The following CCL26 variants were observed in gnomAD, a reference collection of about 807,000 sequenced individuals.
CCL26 encodes the protein C-C motif chemokine ligand 26, also known as C-C motif chemokine 26.
A neutral mutation model predicts 10.7 loss-of-function variants in CCL26; 10 were observed. That is an observed-to-expected ratio of 0.93 (90% CI 0.57 to 1.58). The LOEUF (loss-of-function observed/expected upper bound fraction) is 1.58. Among genes scored for constraint, CCL26 ranks in the 40% most tolerant of loss-of-function variants. CCL26 has a pLI of 0.00. For missense variants in CCL26, 116 were observed against 111.0 expected, an observed-to-expected ratio of 1.05 and a Z score of -0.20; for synonymous variants, 43 against 41.4, an observed-to-expected ratio of 1.04 and a Z score of -0.15.
intron 1 of CCL26, among the ~76,000 whole-genome samples, chr7:75,785,497 C>G (rs1803164979): frequency 6.6e-6 from 1 of 152,142 alleles, no homozygotes; most frequent in African/African-American, 2.4e-5. Context: ...GCTCCAATTT[C>G]TTCTCCATCC....
At chr7:75,790,317 A>G (rs1481195579), upstream of CCL26, among the ~76,000 whole-genome samples, 1 of 144,234 alleles carries the variant, frequency 6.9e-6, no homozygotes, top group Non-Finnish European at 1.5e-5. Flanking sequence ...TGGTGCAATC[A>G]TAGCTCCCTG....
At chr7:75,787,651 CAA>C (rs55770109) in intron 1 of CCL26, among the ~76,000 whole-genome samples, 17 of 27,742 alleles carry the variant, frequency 6.1e-4, no homozygotes, top group Non-Finnish European at 9.3e-4. Context: ...TCTCCAAAAG[CAA>C]AAAAAAAAAA....
intron 1 of CCL26, among the ~76,000 whole-genome samples, chr7:75,786,718 G>A (rs868953679): frequency 3.9e-5 from 6 of 151,938 alleles, no homozygotes; most frequent in Non-Finnish European, 7.4e-5. Context: ...TCTTCTCATC[G>A]GTCACTCCCA....
chr7:75,778,231 GT>G (rs1554528993), intron 1 of CCL26, among the ~76,000 whole-genome samples: 2 of 151,390 alleles, frequency 1.3e-5, no homozygotes, highest in East Asian at 3.9e-4. Context: ...TAAATGTTTT[GT>G]TCTAATTGAG....
At chr7:75,783,521 C>A (rs1803111193) in intron 1 of CCL26, among the ~76,000 whole-genome samples, 1 of 152,112 alleles carries the variant, frequency 6.6e-6, no homozygotes, top group African/African-American at 2.4e-5. Flanking sequence ...AACTACCAGC[C>A]AGGCACGGTG....
intron 1 of CCL26, among the ~76,000 whole-genome samples, chr7:75,786,691 C>T (rs1585016286): frequency 6.6e-6 from 1 of 152,162 alleles, no homozygotes; most frequent in South Asian, 2.1e-4. Context: ...GCTAACGTTC[C>T]AATGGCCAGT....
At chr7:75,788,897 T>G (rs1554530369) in intron 1 of CCL26, among the ~76,000 whole-genome samples, 1 of 151,814 alleles carries the variant, frequency 6.6e-6, no homozygotes, top group Admixed American at 6.6e-5. Context: ...AGTTGTACTC[T>G]TAGAGTTTGC....
At chr7:75,785,259 C>T (rs1436075201) in intron 1 of CCL26, among the ~76,000 whole-genome samples, 1 of 152,132 alleles carries the variant, frequency 6.6e-6, no homozygotes, top group Non-Finnish European at 1.5e-5. Flanking sequence ...CCCATCAGTC[C>T]CCGCAGCTTA....
chr7:75,787,637 TC>T (rs1367558147), intron 1 of CCL26, among the ~76,000 whole-genome samples: 1 of 88,634 alleles, frequency 1.1e-5, no homozygotes, highest in Admixed American at 1.8e-4. Context: ...AGAGTGAGAC[TC>T]CGTCTCCAAA....
In CCL26 at chr7:75,769,720, AG is replaced by A. The variant is rs782391110; in HGVS notation, c.257del (p.Ser86PhefsTer3). The A allele has an allele frequency of 1.2e-6, 2 of 1,612,362 alleles. No individual in the cohort carries two copies. The highest frequency in any genetic ancestry group is 2.2e-5 in the South Asian group (2 of 91,048). On this transcript the variant is annotated frameshift_variant, in exon 3 of 3. Transcript: ENST00000005180. LOFTEE classifies it high-confidence loss of function. ...PRKKWVQKYI[S>X]LLKTPKQL ...ACAATTGTTTCGGAGTTTTCAGTAA[AG>A]AAATGTATTTTTGCACCCATTTTTT... is the stretch of plus-strand genomic sequence containing the variant.
At chr7:75,788,657 T>G (rs1803255499) in intron 1 of CCL26, among the ~76,000 whole-genome samples, 1 of 148,270 alleles carries the variant, frequency 6.7e-6, no homozygotes. Flanking sequence ...ACTCGGGAGG[T>G]GGAGATTGCA....
At chr7:75,786,836 C>A (rs1803195829) in intron 1 of CCL26, among the ~76,000 whole-genome samples, 1 of 152,200 alleles carries the variant, frequency 6.6e-6, no homozygotes. Flanking sequence ...CCATTCTATT[C>A]TGTCATTTCA....
chr7:75,772,131 G>A lies in CCL26; in HGVS notation c.46C>T (p.Leu16=), dbSNP rs782451881. ...GTGGCAGTTCCAAGGTGGAGACTCA[G>A]GAGGGAGGCCAGGAGCACAGCAGAG... The part of the protein sequence containing the change: ...LASAVLLASL[L]SLHLGTATRG... Residue 16 remains leucine, a synonymous_variant, in exon 1 of 3, where the codon CTG becomes TTG. Coordinates refer to ENST00000005180, the MANE Select transcript of CCL26 (RefSeq NM_001371938.1). The A allele has an allele frequency of 3.8e-6, 6 of 1,562,900 alleles. No homozygotes were observed. In the Admixed American group the frequency reaches 9.6e-5, roughly 25 times the overall value.
chr7:75,772,129 C>T lies in CCL26; in HGVS notation c.48G>A (p.Leu16=), dbSNP rs1554528206. ...LASAVLLASL[L]SLHLGTATRG... is the part of the protein sequence containing the mutation. ...GTGTGGCAGTTCCAAGGTGGAGACTCAGGAGGGAGGCCAGGAGCACAGCAG... is the reference window on the plus strand; with the variant it reads ...GTGTGGCAGTTCCAAGGTGGAGACTTAGGAGGGAGGCCAGGAGCACAGCAG... The change falls in exon 1 of 3, where the codon CTG becomes CTA. Residue 16 remains leucine (L), a synonymous_variant. Transcript: ENST00000005180. 2 of 1,563,942 alleles carry T rather than the reference C, an allele frequency of 1.3e-6. No individual in the cohort carries two copies. The highest frequency in any genetic ancestry group is 1.2e-5 in the South Asian group (1 of 85,812).
upstream of CCL26, among the ~76,000 whole-genome samples, chr7:75,791,595 A>G (rs375627549): frequency 6.6e-5 from 10 of 152,102 alleles, no homozygotes; most frequent in Middle Eastern, 3.4e-3. Flanking sequence ...AAGTGCTGGG[A>G]TTACAGGCGT....
intron 1 of CCL26, among the ~76,000 whole-genome samples, chr7:75,777,735 A>AAAAAAAAAAAAAAAAAAC (rs1802972757): frequency 6.6e-6 from 1 of 150,594 alleles, no homozygotes; most frequent in Non-Finnish European, 1.5e-5. Context: ...AAAAAAAAAA[A>AAAAAAAAAAAAAAAAAAC]AAAAAAAGCA....
intron 1 of CCL26, among the ~76,000 whole-genome samples, chr7:75,784,971 G>A (rs1554529824): frequency 1.3e-5 from 2 of 152,110 alleles, no homozygotes; most frequent in Admixed American, 6.6e-5. Flanking sequence ...GCCTGTTACA[G>A]CATGGGCTTC....
rs922505938 is a variant in CCL26 at position 75,769,864 on chromosome 7, G to C, written c.189-75C>G. On this transcript the variant is annotated intron_variant, in intron 2 of 2. Transcript: ENST00000005180. ...GGGGTGGGATAGAAAGGGAAGGAGG[G>C]GCAGCTCTCTCACTAGTCTTCTGGC... 33 of 897,326 alleles carry C rather than the reference G, an allele frequency of 3.7e-5. No individual in the cohort carries two copies. In the African/African-American group the frequency reaches 5.2e-4, roughly 14 times the overall value. The allele number at this position is 897,326 out of a possible 1,614,324, so 55.6% of individuals were successfully genotyped here. A position where few individuals can be genotyped will look rare whatever the true frequency, so the allele number is the denominator to read the frequency against.
upstream of CCL26, among the ~76,000 whole-genome samples, chr7:75,776,820 G>A (rs537394487): frequency 2.0e-5 from 3 of 152,302 alleles, no homozygotes; most frequent in Admixed American, 6.5e-5. Context: ...AGGATGTGGT[G>A]CATGGCAAGT....
Sources: gnomAD v4.1 joint callset for allele counts (sites outside exome capture counted in the v4.1 genomes callset) on GRCh38, gnomAD v4.1.1 for gene constraint, MANE v1.5 for transcripts, NCBI Gene and HGNC (gene_info 2026-07-23, HGNC 2026-07-21) for gene names.